The following PCDH11X variants were observed in gnomAD, a reference collection of about 807,000 sequenced individuals.
PCDH11X encodes the protein protocadherin-11 X-linked.
A neutral mutation model predicts 53.3 loss-of-function variants in PCDH11X; 18 were observed. The observed-to-expected ratio is 0.34, with a 90% CI of 0.23 to 0.50. The LOEUF (loss-of-function observed/expected upper bound fraction) is 0.50. Among genes scored for constraint, PCDH11X ranks in the 20% least tolerant of loss-of-function variants. PCDH11X has a pLI of 0.98. For synonymous variants in PCDH11X, 279 were observed against 393.3 expected, an observed-to-expected ratio of 0.71 and a Z score of 3.44; for missense variants, 570 against 1,032.4, an observed-to-expected ratio of 0.55 and a Z score of 6.14.
intron 6 of PCDH11X, among the ~76,000 whole-genome samples, chrX:92,151,831 A>C (rs2065441560): frequency 9.0e-6 from 1 of 111,108 alleles, no homozygotes; most frequent in African/African-American, 3.3e-5. Context: ...TTTCTATGTA[A>C]TTATTTCTCT....
intron 6 of PCDH11X, among the ~76,000 whole-genome samples, chrX:92,008,894 A>G (rs1364766373): frequency 3.6e-5 from 4 of 111,924 alleles, no homozygotes; most frequent in Non-Finnish European, 5.6e-5. Flanking sequence ...TTTTCTTTAG[A>G]TATCAGGTGA....
At chrX:92,568,747 CA>C (rs375078287) in intron 10 of PCDH11X, among the ~76,000 whole-genome samples, 1 of 107,843 alleles carries the variant, frequency 9.3e-6, no homozygotes, top group African/African-American at 3.4e-5. Flanking sequence ...CACAATTATG[CA>C]AAAAAAATTA....
At chrX:92,499,928 A>G (rs1344158398) in intron 10 of PCDH11X, among the ~76,000 whole-genome samples, 8 of 109,258 alleles carry the variant, frequency 7.3e-5, no homozygotes, top group African/African-American at 1.0e-4. Flanking sequence ...AGTAATTACA[A>G]TTTTTCTCTG....
At chrX:91,906,115 T>A (rs1485888699) in intron 6 of PCDH11X, among the ~76,000 whole-genome samples, 3 of 111,471 alleles carry the variant, frequency 2.7e-5, no homozygotes, top group Non-Finnish European at 5.7e-5. Flanking sequence ...ACTCATATAT[T>A]CAAAATTGTG....
chrX:92,152,780 TATGTATGTATGTATG>T (rs1461762178), intron 6 of PCDH11X, among the ~76,000 whole-genome samples: 2 of 104,138 alleles, frequency 1.9e-5, no homozygotes, highest in African/African-American at 6.7e-5. Flanking sequence ...TGTATGTATG[TATGTATGTATGTATG>T]TATTTATTTA....
chrX:92,277,536 AAG>A (rs1603250027), intron 8 of PCDH11X, among the ~76,000 whole-genome samples: 2 of 108,581 alleles, frequency 1.8e-5, no homozygotes, highest in Admixed American at 1.0e-4. Context: ...GCCTAGAGGA[AAG>A]AGAGAGTAGA....
chrX:92,586,275 G>A (rs1924374154), intron 10 of PCDH11X, among the ~76,000 whole-genome samples: 2 of 107,262 alleles, frequency 1.9e-5, no homozygotes, highest in Admixed American at 1.0e-4. Context: ...TTCATTGACC[G>A]AGAATTGTGT....
At chrX:92,034,245 G>A (rs2063094665) in intron 6 of PCDH11X, among the ~76,000 whole-genome samples, 1 of 111,520 alleles carries the variant, frequency 9.0e-6, no homozygotes, top group South Asian at 3.7e-4. Context: ...GAAATGTTCT[G>A]TAAATATCTA....
intron 4 of PCDH11X, among the ~76,000 whole-genome samples, chrX:91,825,350 G>A (rs1490196755): frequency 2.7e-5 from 3 of 111,595 alleles, no homozygotes; most frequent in East Asian, 5.7e-4. Context: ...AGGACCTTCC[G>A]AGCCAGGTGC....
chrX:91,838,648 A>G (rs1937389697), intron 5 of PCDH11X, among the ~76,000 whole-genome samples: 1 of 109,748 alleles, frequency 9.1e-6, no homozygotes, highest in African/African-American at 3.3e-5. Flanking sequence ...AAATTTTACA[A>G]TGTGAAATAA....
At chrX:91,805,586 AG>A (rs35158264) in intron 1 of PCDH11X, among the ~76,000 whole-genome samples, 2 of 111,089 alleles carry the variant, frequency 1.8e-5, no homozygotes, top group Non-Finnish European at 3.8e-5. Context: ...AGGCCAAAGC[AG>A]GGGGGCTTGC....
At chrX:91,784,757 CATTA>C (rs1935273911) in intron 1 of PCDH11X, among the ~76,000 whole-genome samples, 1 of 111,351 alleles carries the variant, frequency 9.0e-6, no homozygotes, top group Non-Finnish European at 1.9e-5. Context: ...CTTTCCCATG[CATTA>C]ATTATCCTGC....
intron 9 of PCDH11X, among the ~76,000 whole-genome samples, chrX:92,454,501 A>C (rs754287820): frequency 9.2e-6 from 1 of 109,175 alleles, no homozygotes; most frequent in African/African-American, 3.3e-5. Context: ...AGTTAGCAAA[A>C]ATATTTTTTC....
intron 6 of PCDH11X, among the ~76,000 whole-genome samples, chrX:92,165,645 T>A (rs1309040408): frequency 8.9e-6 from 1 of 111,783 alleles, no homozygotes; most frequent in African/African-American, 3.2e-5. Flanking sequence ...TGACCAGTGA[T>A]ATATGTTATT....
chrX:92,592,430 C>T (rs1312894281), intron 10 of PCDH11X, among the ~76,000 whole-genome samples: 1 of 110,837 alleles, frequency 9.0e-6, no homozygotes, highest in Non-Finnish European at 1.9e-5. Flanking sequence ...AGGAGGTTCC[C>T]TTTAGTAAAA....
chrX:91,931,826 C>G (rs1166150391), intron 6 of PCDH11X, among the ~76,000 whole-genome samples: 2 of 110,632 alleles, frequency 1.8e-5, no homozygotes, highest in African/African-American at 6.6e-5. Context: ...ATTTTTTCAT[C>G]AACTTTTATT....
At chrX:92,526,031 G>A (rs972759889) in intron 10 of PCDH11X, among the ~76,000 whole-genome samples, 1 of 111,697 alleles carries the variant, frequency 9.0e-6, no homozygotes, top group Non-Finnish European at 1.9e-5. Flanking sequence ...TCAGGTATCA[G>A]AATATAATAG....
At chrX:92,510,404 TC>T (rs1487283748) in intron 10 of PCDH11X, among the ~76,000 whole-genome samples, 2 of 107,453 alleles carry the variant, frequency 1.9e-5, no homozygotes, top group Non-Finnish European at 3.9e-5. Flanking sequence ...CAAATGCCAG[TC>T]CCTGTATCTT....
chrX:92,382,681 T>C (rs1397117202), intron 8 of PCDH11X, among the ~76,000 whole-genome samples: 2 of 111,769 alleles, frequency 1.8e-5, no homozygotes, highest in Non-Finnish European at 1.9e-5. Context: ...GTGTGTGGAT[T>C]TTAGGGAGAG....
Sources: gnomAD v4.1 joint callset for allele counts (sites outside exome capture counted in the v4.1 genomes callset) on GRCh38, gnomAD v4.1.1 for gene constraint, MANE v1.5 for transcripts, NCBI Gene and HGNC (gene_info 2026-07-23, HGNC 2026-07-21) for gene names.